Variants in SOX5 observed in about 807,000 individuals in gnomAD.
The protein encoded by SOX5 is SRY-box transcription factor 5, also known as transcription factor SOX-5.
SOX5 carries 9 observed loss-of-function variants against 92.0 expected under a neutral mutation model. The ratio of observed to expected loss-of-function variants is 0.10; its 90% CI spans 0.06 to 0.17. The LOEUF (loss-of-function observed/expected upper bound fraction) is 0.17. Ranked by LOEUF, SOX5 falls within the 10% of genes least tolerant of loss-of-function variation. The pLI is 1.00. For missense variants in SOX5, 642 were observed against 944.5 expected (o/e 0.68, Z 4.20); for synonymous variants, 344 against 336.3 (o/e 1.02, Z -0.25).
intron 7 of SOX5, among the ~76,000 whole-genome samples, chr12:23,647,759 G>A (rs886843580): frequency 4.7e-4 from 71 of 152,248 alleles, no homozygotes; most frequent in African/African-American, 1.0e-3. Context: ...CTCAGCCTTC[G>A]TAGAATTGAA....
At chr12:24,325,166 C>T (rs1177371959) in intron 2 of SOX5, among the ~76,000 whole-genome samples, 1 of 150,756 alleles carries the variant, frequency 6.6e-6, no homozygotes, top group Middle Eastern at 3.2e-3. Context: ...AAAAAAAAAA[C>T]CCTAAAAAAG....
chr12:24,112,010 C>A (rs945990383), intron 4 of SOX5, among the ~76,000 whole-genome samples: 1 of 152,074 alleles, frequency 6.6e-6, no homozygotes, highest in Non-Finnish European at 1.5e-5. Context: ...AACAAAGTAA[C>A]CAAGCTTATC....
chr12:24,491,052 CTCTTTCTTTCTTTCTTTCCT>C (rs1443256996), intron 1 of SOX5, among the ~76,000 whole-genome samples: 33 of 151,130 alleles, frequency 2.2e-4, no homozygotes, highest in Non-Finnish European at 1.8e-4. Context: ...AACCCACTAT[CTCTTTCTTTCTTTCTTTCCT>C]TCTTTCTTTC....
At chr12:24,300,272 C>T (rs905143839) in intron 2 of SOX5, among the ~76,000 whole-genome samples, 1 of 152,146 alleles carries the variant, frequency 6.6e-6, no homozygotes, top group Non-Finnish European at 1.5e-5. Flanking sequence ...GGAGACCCTA[C>T]ATTTAAGAAT....
chr12:24,536,183 T>G (rs908460461), intron 1 of SOX5, among the ~76,000 whole-genome samples: 5 of 152,186 alleles, frequency 3.3e-5, no homozygotes, highest in Admixed American at 1.3e-4. Context: ...CAAAAGATGT[T>G]TCAGGTGAGC....
At chr12:24,044,716 A>G (rs16927079) in intron 4 of SOX5, among the ~76,000 whole-genome samples, 2,177 of 152,320 alleles carry the variant, frequency 0.014, 36 homozygotes, top group South Asian at 0.034. Context: ...TGCATATTCC[A>G]TATCGAACTG....
At chr12:24,010,813 C>A (rs1344563823) in intron 4 of SOX5, among the ~76,000 whole-genome samples, 1 of 151,954 alleles carries the variant, frequency 6.6e-6, no homozygotes, top group Non-Finnish European at 1.5e-5. Flanking sequence ...GTGGCACATG[C>A]CTGTAGTCCC....
chr12:23,904,402 AT>A (rs1434110546), intron 1 of SOX5, among the ~76,000 whole-genome samples: 2 of 152,176 alleles, frequency 1.3e-5, no homozygotes, highest in African/African-American at 4.8e-5. Context: ...TAAAATATAA[AT>A]TGAAGTAGAA....
chr12:24,420,050 A>T (rs1965682545), intron 1 of SOX5, among the ~76,000 whole-genome samples: 1 of 152,240 alleles, frequency 6.6e-6, no homozygotes, highest in South Asian at 2.1e-4. Flanking sequence ...ATACTTTTCC[A>T]TGCTTGAGGT....
chr12:24,558,434 A>G (rs1018454161), intron 1 of SOX5, among the ~76,000 whole-genome samples: 1 of 152,184 alleles, frequency 6.6e-6, no homozygotes, highest in African/African-American at 2.4e-5. Flanking sequence ...AGACAAGGAA[A>G]TTGAATTTGG....
At chr12:24,229,151 C>T (rs904556275) in intron 3 of SOX5, among the ~76,000 whole-genome samples, 1 of 152,220 alleles carries the variant, frequency 6.6e-6, no homozygotes, top group Non-Finnish European at 1.5e-5. Context: ...CACGTGCTGC[C>T]TCCACCAGCA....
chr12:23,737,654 G>A (rs1348242603), intron 5 of SOX5, among the ~76,000 whole-genome samples: 1 of 152,082 alleles, frequency 6.6e-6, no homozygotes, highest in Non-Finnish European at 1.5e-5. Flanking sequence ...ATATGATTTG[G>A]TCTCCTGCTA....
chr12:23,986,911 C>T (rs1045794189), intron 4 of SOX5, among the ~76,000 whole-genome samples: 2 of 152,082 alleles, frequency 1.3e-5, no homozygotes, highest in Non-Finnish European at 2.9e-5. Flanking sequence ...CTTCAAATTG[C>T]TCCTCTTTTT....
At chr12:23,562,677 C>T (rs1946415436) in intron 11 of SOX5, among the ~76,000 whole-genome samples, 1 of 152,070 alleles carries the variant, frequency 6.6e-6, no homozygotes, top group South Asian at 2.1e-4. Context: ...AAATCATTGT[C>T]TCTCAGACAA....
intron 3 of SOX5, among the ~76,000 whole-genome samples, chr12:23,777,563 C>T (rs1324116948): frequency 2.6e-5 from 4 of 152,088 alleles, no homozygotes; most frequent in African/African-American, 4.8e-5. Flanking sequence ...TTTCAGTAAA[C>T]ACATACACAC....
intron 4 of SOX5, among the ~76,000 whole-genome samples, chr12:24,211,317 C>G (rs1283551364): frequency 1.1e-4 from 17 of 152,178 alleles, no homozygotes; most frequent in Admixed American, 1.1e-3. Context: ...TAGTACTTAT[C>G]CCCACTGACA....
At chr12:23,799,097 T>C (rs1325171590) in intron 3 of SOX5, among the ~76,000 whole-genome samples, 1 of 151,976 alleles carries the variant, frequency 6.6e-6, no homozygotes, top group Non-Finnish European at 1.5e-5. Context: ...GGTTCCACTC[T>C]CCTCTTCCCC....
chr12:23,994,536 T>C (rs944191210), intron 4 of SOX5, among the ~76,000 whole-genome samples: 1 of 152,164 alleles, frequency 6.6e-6, no homozygotes, highest in Non-Finnish European at 1.5e-5. Flanking sequence ...AACATTATTA[T>C]GGTATTCAAG....
intron 1 of SOX5, among the ~76,000 whole-genome samples, chr12:24,436,190 C>T (rs1045391843): frequency 1.3e-5 from 2 of 152,184 alleles, no homozygotes; most frequent in South Asian, 2.1e-4. Context: ...ATGTCTCTCA[C>T]TTTACATCAA....
Sources: gnomAD v4.1 joint callset for allele counts (sites outside exome capture counted in the v4.1 genomes callset) on GRCh38, gnomAD v4.1.1 for gene constraint, MANE v1.5 for transcripts, NCBI Gene and HGNC (gene_info 2026-07-23, HGNC 2026-07-21) for gene names.